Variants in NAV3 observed in about 807,000 individuals in gnomAD.
NAV3 encodes pore membrane and/or filament interacting like protein 1.
In NAV3, 87 loss-of-function variants were observed where a neutral mutation model predicts 244.7. The ratio of observed to expected loss-of-function variants is 0.36; its 90% CI spans 0.30 to 0.42. NAV3 has a LOEUF of 0.42. NAV3 is among the 20% of genes least tolerant of loss of function. NAV3 has a pLI of 1.00. For missense variants in NAV3, 2,663 were observed against 2,893.3 expected, an observed-to-expected ratio of 0.92 and a Z score of 1.83; for synonymous variants, 1,126 against 1,042.2, an observed-to-expected ratio of 1.08 and a Z score of -1.55.
At chr12:77,949,989 TTGA>T (rs968755504) in intron 3 of NAV3, among the ~76,000 whole-genome samples, 3 of 152,170 alleles carry the variant, frequency 2.0e-5, no homozygotes, top group African/African-American at 7.2e-5. Context: ...TTTTCATGGC[TTGA>T]TGGCTCATTT....
At chr12:77,871,533 C>A (rs1592846680) in intron 1 of NAV3, among the ~76,000 whole-genome samples, 1 of 152,118 alleles carries the variant, frequency 6.6e-6, no homozygotes, top group African/African-American at 2.4e-5. Context: ...TGAGAACATG[C>A]AGTGTTTGGT....
At chr12:77,695,104 G>A (rs750986439) in intron 2 of NAV3, among the ~76,000 whole-genome samples, 5 of 152,146 alleles carry the variant, frequency 3.3e-5, no homozygotes, top group Admixed American at 2.0e-4. Context: ...TCTGTGGGTT[G>A]TCTTTTCACT....
chr12:77,585,967 C>T (rs1434757419), intron 2 of NAV3, among the ~76,000 whole-genome samples: 1 of 152,190 alleles, frequency 6.6e-6, no homozygotes, highest in Non-Finnish European at 1.5e-5. Context: ...TCGAGACCAT[C>T]CTGGCGAACA....
chr12:77,859,123 G>T (rs1427253720), intron 1 of NAV3, among the ~76,000 whole-genome samples: 1 of 152,066 alleles, frequency 6.6e-6, no homozygotes, highest in Non-Finnish European at 1.5e-5. Context: ...GCCCAGCAAA[G>T]AATGAGAAGT....
chr12:77,764,119 C>T (rs1007743484), intron 2 of NAV3, among the ~76,000 whole-genome samples: 38 of 152,186 alleles, frequency 2.5e-4, no homozygotes, highest in Non-Finnish European at 5.6e-4. Flanking sequence ...TTTATTCCCA[C>T]AAGTGGATGA....
At position 78,119,329 on chromosome 12, in the gene NAV3, A is replaced by G; in HGVS notation, c.3133A>G (p.Ser1045Gly). 6.2e-7 allele frequency: 1 copy of G among 1,614,228 alleles called. No homozygotes were observed. Among genetic ancestry groups the G allele is most frequent in the Non-Finnish European group, 8.5e-7 (1 of 1,180,030 alleles). Residue 1045 changes from serine (S) to glycine (G), a missense_variant, in exon 15 of 40, where the codon AGT (serine) becomes GGT (glycine). Ser to Gly is a moderately conservative substitution (Grantham distance 56). Coordinates refer to ENST00000397909, the MANE Select transcript of NAV3 (RefSeq NM_001024383.2). ...ATCTCCTTCAGATGCAGGAAAAAGCAGTGGAGATGAAGGGAAAAAGCCCCC... is the reference window on the plus strand; with the variant it reads ...ATCTCCTTCAGATGCAGGAAAAAGCGGTGGAGATGAAGGGAAAAAGCCCCC... ...QRSPSDAGKSSGDEGKKPPSG... is the reference protein window; with the variant it reads ...QRSPSDAGKSGGDEGKKPPSG...
At chr12:77,970,671 G>T (rs952693443) in intron 5 of NAV3, among the ~76,000 whole-genome samples, 5 of 152,052 alleles carry the variant, frequency 3.3e-5, no homozygotes, top group Non-Finnish European at 7.4e-5. Context: ...AAGTGAGATT[G>T]TATAAGACTC....
intron 9 of NAV3, among the ~76,000 whole-genome samples, chr12:78,028,698 T>C (rs1878483568): frequency 6.6e-6 from 1 of 152,232 alleles, no homozygotes; most frequent in African/African-American, 2.4e-5. Flanking sequence ...GGACATATTT[T>C]CTGTTGGTTT....
chr12:78,158,383 A>G (rs1375545406), intron 22 of NAV3, among the ~76,000 whole-genome samples: 1 of 152,116 alleles, frequency 6.6e-6, no homozygotes, highest in Non-Finnish European at 1.5e-5. Context: ...TTTGGGTTCA[A>G]GTTGTTGCAT....
At chr12:78,120,128 A>T (rs1029912584) in intron 15 of NAV3, among the ~76,000 whole-genome samples, 183 bp downstream of exon 15, 10 of 152,108 alleles carry the variant, frequency 6.6e-5, no homozygotes, top group Non-Finnish European at 1.2e-4. Context: ...CTAGCAAAAA[A>T]AATAGTTCTC....
At chr12:77,875,453 AT>A (rs1179944570) in intron 1 of NAV3, among the ~76,000 whole-genome samples, 1 of 152,038 alleles carries the variant, frequency 6.6e-6, no homozygotes, top group East Asian at 1.9e-4. Context: ...TTATCAATTA[AT>A]TTATCAATTA....
intron 1 of NAV3, among the ~76,000 whole-genome samples, chr12:77,844,338 A>C (rs1425743752): frequency 6.6e-6 from 1 of 152,126 alleles, no homozygotes; most frequent in Non-Finnish European, 1.5e-5. Flanking sequence ...ATTCCCATCT[A>C]TGAGGGCTCC....
chr12:77,806,377 A>G (rs1056084864), intron 2 of NAV3, among the ~76,000 whole-genome samples: 2 of 152,138 alleles, frequency 1.3e-5, no homozygotes, highest in Non-Finnish European at 2.9e-5. Context: ...CTTTGTTCTC[A>G]TTGGTTTCAA....
intron 8 of NAV3, chr12:78,010,918 A>G (rs1457067372): frequency 2.6e-5 from 4 of 152,080 alleles, no homozygotes; most frequent in South Asian, 2.1e-4. Flanking sequence ...TCAGAGTTCT[A>G]TAAATATAAT....
intron 1 of NAV3, among the ~76,000 whole-genome samples, chr12:77,933,524 A>C (rs1889030578): frequency 6.6e-6 from 1 of 152,212 alleles, no homozygotes; most frequent in Admixed American, 6.5e-5. Flanking sequence ...TTCACTTTTA[A>C]ATCAAACTCC....
At chr12:77,870,328 A>G (rs770152) in intron 1 of NAV3, among the ~76,000 whole-genome samples, 17,149 of 149,698 alleles carry the variant, frequency 0.11, 1,215 homozygotes, top group East Asian at 0.21. Context: ...TCATGCCACT[A>G]CACTCCATCT....
intron 1 of NAV3, among the ~76,000 whole-genome samples, chr12:77,895,704 C>A (rs1165305359): frequency 6.7e-6 from 1 of 150,056 alleles, no homozygotes; most frequent in East Asian, 1.9e-4. Flanking sequence ...TCAATGCTAC[C>A]CCATCCTCTA....
chr12:78,136,301 G>T (rs1956372012), intron 18 of NAV3, among the ~76,000 whole-genome samples: 1 of 152,142 alleles, frequency 6.6e-6, no homozygotes, highest in African/African-American at 2.4e-5. Flanking sequence ...TGAGCATTTA[G>T]AATATCTTTC....
chr12:78,040,779 C>T (rs1355746001), intron 9 of NAV3, among the ~76,000 whole-genome samples: 4 of 152,108 alleles, frequency 2.6e-5, no homozygotes, highest in Non-Finnish European at 5.9e-5. Context: ...TATCTTTCAC[C>T]TACAATCTAA....
Sources: gnomAD v4.1 joint callset for allele counts (sites outside exome capture counted in the v4.1 genomes callset) on GRCh38, gnomAD v4.1.1 for gene constraint, MANE v1.5 for transcripts, NCBI Gene and HGNC (gene_info 2026-07-23, HGNC 2026-07-21) for gene names.